IGF2BP1: variants seen among roughly 807,000 people sequenced by gnomAD.
The protein encoded by IGF2BP1 is insulin-like growth factor 2 mRNA-binding protein 1.
Under a neutral mutation model 74.9 loss-of-function variants are expected in IGF2BP1, and 11 were observed. The ratio of observed to expected loss-of-function variants is 0.15; its 90% CI spans 0.09 to 0.24. The LOEUF (loss-of-function observed/expected upper bound fraction) is 0.24. Among genes scored for constraint, IGF2BP1 ranks in the 10% least tolerant of loss-of-function variants. The pLI is 1.00. For synonymous variants in IGF2BP1, 287 were observed against 281.8 expected, an observed-to-expected ratio of 1.02 and a Z score of -0.18; for missense variants, 440 against 757.4, an observed-to-expected ratio of 0.58 and a Z score of 4.92.
rs1023554040 is a variant in IGF2BP1 at position 49,053,709 on chromosome 17, G to C, written c.*4265G>C. ...GCCAAACTGGGAACCAGCAGTGCTA[G>C]TAACTACCTCACAGAGCCCCAGAGG... On this transcript the variant is annotated 3_prime_UTR_variant, in exon 15 of 15. Transcript: ENST00000290341. 6.5e-6 allele frequency: 1 copy of C among 152,706 alleles called. No homozygotes were observed. The highest frequency in any genetic ancestry group is 2.4e-5 in the African/African-American group (1 of 41,454). The allele number at this position is 152,706 out of a possible 1,614,324, so 9.5% of individuals were successfully genotyped here. A position where few individuals can be genotyped will look rare whatever the true frequency, so the allele number is the denominator to read the frequency against.
rs925458154 is a variant in IGF2BP1 at position 49,055,881 on chromosome 17, T to C, written c.*6437T>C. Reference sequence around the variant, plus strand: ...TTTAAATATGAGTGCTAGCTTATTCTGTAATTGCGGCAACTTTGAAAATTG... The same window carrying C: ...TTTAAATATGAGTGCTAGCTTATTCCGTAATTGCGGCAACTTTGAAAATTG... On this transcript the variant is annotated 3_prime_UTR_variant, in exon 15 of 15. Coordinates refer to ENST00000290341, the MANE Select transcript of IGF2BP1 (RefSeq NM_006546.4). Among the ~76,000 whole-genome samples, 1 of 150,608 alleles carries C rather than the reference T, an allele frequency of 6.6e-6. No individual in the cohort carries two copies. Among genetic ancestry groups the C allele is most frequent in the African/African-American group, 2.5e-5 (1 of 40,768 alleles).
chr17:49,019,904 T>TTATAGA (rs2041756975), intron 2 of IGF2BP1, among the ~76,000 whole-genome samples: 2 of 43,910 alleles, frequency 4.6e-5, no homozygotes, highest in Non-Finnish European at 8.5e-5. Context: ...CCTGGCTAAT[T>TTATAGA]TATATATATA....
At chr17:49,019,946 A>T (rs1208764914) in intron 2 of IGF2BP1, among the ~76,000 whole-genome samples, 42 of 42,304 alleles carry the variant, frequency 9.9e-4, no homozygotes, top group African/African-American at 4.8e-3. Context: ...ATATATATAT[A>T]TATTTATATA....
Position 49,049,414 on chromosome 17 carries a change from G to A in IGF2BP1, c.1704G>A (p.Gln568=). The change falls in exon 15 of 15, where the codon CAG becomes CAA. Residue 568 remains glutamine (Q), a synonymous_variant. Coordinates refer to ENST00000290341, the MANE Select transcript of IGF2BP1 (RefSeq NM_006546.4). ...TTAAGCAGCAGCATCAGAAGGGACA[G>A]AGTAACCAGGCCCAGGCACGGAGGA... ...AQVKQQHQKG[Q]SNQAQARRK is the part of the protein sequence containing the mutation. 1 of 1,614,172 alleles carries A rather than the reference G, an allele frequency of 6.2e-7. No homozygotes were observed. Among genetic ancestry groups the A allele is most frequent in the African/African-American group, 1.3e-5 (1 of 75,056 alleles).
intron 4 of IGF2BP1, 94 bp downstream of exon 4, chr17:49,026,611 C>A: frequency 9.7e-7 from 1 of 1,029,152 alleles, no homozygotes; most frequent in Non-Finnish European, 1.5e-6. Flanking sequence ...TTCTTTTTCT[C>A]CCTTCCTTCC....
In IGF2BP1 at chr17:49,042,407, C is replaced by A. The variant is rs747581008; in HGVS notation, c.1077+30C>A. 6.2e-6 allele frequency: 10 copies of A among 1,613,442 alleles called. No homozygotes were observed. In the Admixed American group the frequency reaches 6.7e-5, roughly 11 times the overall value. On this transcript the variant is annotated intron_variant, in intron 9 of 14. Transcript: ENST00000290341. ...GTGCTGGGTAGTACCCTCTGCTTAT[C>A]CTTTCCTGAGTCTTAGCAACAGCAG...
intron 1 of IGF2BP1, among the ~76,000 whole-genome samples, 186 bp downstream of exon 1, chr17:48,998,106 A>G (rs1291843644): frequency 1.5e-5 from 2 of 135,180 alleles, no homozygotes; most frequent in African/African-American, 5.6e-5. Context: ...ACCCCCGCGC[A>G]GAAACATTCG....
At chr17:49,033,135 G>T (rs1270135941) in intron 5 of IGF2BP1, among the ~76,000 whole-genome samples, 1 of 151,710 alleles carries the variant, frequency 6.6e-6, no homozygotes, top group African/African-American at 2.4e-5. Context: ...TAACATTTCT[G>T]GGCTTTTTAT....
At chr17:49,040,193 C>T in intron 7 of IGF2BP1, 102 bp downstream of exon 7, 1 of 1,241,850 alleles carries the variant, frequency 8.1e-7, no homozygotes, top group South Asian at 1.4e-5. Flanking sequence ...GAAATACAGT[C>T]AGCAATTGCA....
At chr17:49,020,417 C>T (rs534269764) in intron 2 of IGF2BP1, among the ~76,000 whole-genome samples, 1 of 152,244 alleles carries the variant, frequency 6.6e-6, no homozygotes, top group African/African-American at 2.4e-5. Flanking sequence ...TCTCCCTACC[C>T]ACTAAGGTGG....
At chr17:49,003,806 G>A (rs1371486293) in intron 2 of IGF2BP1, among the ~76,000 whole-genome samples, 3 of 140,454 alleles carry the variant, frequency 2.1e-5, no homozygotes, top group East Asian at 2.4e-4. Flanking sequence ...AGGGAGGGAG[G>A]GGAGATACGG....
rs756272858 is a variant in IGF2BP1, at chr17:49,007,894, A to G, written c.236+8725A>G. On this transcript the variant is annotated intron_variant, in intron 2 of 14. Transcript: ENST00000290341. ...GAAGTTCTAAATTAAAGGGCAGGCC[A>G]GGCGCAGTGGCTCACGCCTGTAATC... 3.3e-5 allele frequency among the ~76,000 whole-genome samples: 5 copies of G among 152,336 alleles called. No homozygotes were observed. The South Asian group carries it at 6.2e-4, about 19-fold the overall frequency.
At chr17:49,012,935 C>T (rs1052156264) in intron 2 of IGF2BP1, 5 of 152,012 alleles carry the variant, frequency 3.3e-5, no homozygotes, top group African/African-American at 9.7e-5. Flanking sequence ...AACCCAGTTA[C>T]GTTTTTTTCC....
chr17:49,039,029 C>T (rs2042019924), intron 6 of IGF2BP1, among the ~76,000 whole-genome samples: 1 of 151,846 alleles, frequency 6.6e-6, no homozygotes, highest in Non-Finnish European at 1.5e-5. Flanking sequence ...AGGCGCGTGC[C>T]ACCATGCCCA....
chr17:49,042,171 T>C (rs901381239), intron 8 of IGF2BP1, 71 bp from the exon 9 acceptor site: 1 of 1,599,684 alleles, frequency 6.3e-7, no homozygotes, highest in African/African-American at 1.3e-5. Flanking sequence ...AGCTGGCCTC[T>C]CGTCTTTGTT....
chr17:49,008,172 C>CA (rs78718299), intron 2 of IGF2BP1, among the ~76,000 whole-genome samples: 5,030 of 90,050 alleles, frequency 0.056, 107 homozygotes, highest in East Asian at 0.16. Flanking sequence ...AATTCCATCT[C>CA]AAAAAAAAAA....
chr17:49,037,121 G>A (rs2041998891), intron 5 of IGF2BP1: 3 of 387,920 alleles, frequency 7.7e-6, no homozygotes, highest in South Asian at 7.7e-5. Context: ...ATGGGAAGAC[G>A]CTGCAAGTTT....
chr17:49,004,640 A>G (rs2041527041), intron 2 of IGF2BP1: 1 of 152,204 alleles, frequency 6.6e-6, no homozygotes, highest in Non-Finnish European at 1.5e-5. Context: ...AGGCAGTAAT[A>G]GTAGTCAGAG....
intron 4 of IGF2BP1, among the ~76,000 whole-genome samples, chr17:49,027,534 A>G (rs370948745): frequency 6.6e-6 from 1 of 152,164 alleles, no homozygotes; most frequent in Non-Finnish European, 1.5e-5. Context: ...CACAGAAGGA[A>G]AAATGATAAA....
Sources: allele counts gnomAD v4.1 joint callset (sites outside exome capture counted in the v4.1 genomes callset), GRCh38; gene constraint gnomAD v4.1.1; transcripts MANE v1.5; gene names NCBI Gene and HGNC (gene_info 2026-07-23, HGNC 2026-07-21).